LAMA2: variants seen among roughly 807,000 people sequenced by gnomAD.
LAMA2 encodes laminin subunit alpha-2.
LAMA2 carries 269 observed loss-of-function variants against 364.8 expected under a neutral mutation model. The observed-to-expected ratio is 0.74, with a 90% CI of 0.67 to 0.82. LAMA2 has a LOEUF of 0.82. LAMA2 is among the 40% of genes least tolerant of loss of function. The probability of loss-of-function intolerance (pLI) is 0.00; values close to 1 mark genes in which losing one functional copy is unlikely to be tolerated. For synonymous variants in LAMA2, 1,379 were observed against 1,370.6 expected (o/e 1.01, Z -0.14); for missense variants, 3,807 against 3,873.2 (o/e 0.98, Z 0.45).
intron 1 of LAMA2, among the ~76,000 whole-genome samples, chr6:128,939,352 C>A (rs954676517): frequency 6.6e-5 from 10 of 150,620 alleles, no homozygotes; most frequent in Non-Finnish European, 1.5e-4. Context: ...TTTTTTTCAT[C>A]CCAATGCTTG....
chr6:129,162,772 C>T (rs1179644807), intron 8 of LAMA2, among the ~76,000 whole-genome samples: 2 of 151,462 alleles, frequency 1.3e-5, no homozygotes, highest in African/African-American at 2.4e-5. Context: ...AACTTTGGCC[C>T]GTAGACCAAA....
chr6:129,304,185 GTGA>G (rs1773722169), intron 22 of LAMA2, among the ~76,000 whole-genome samples: 9 of 152,272 alleles, frequency 5.9e-5, no homozygotes, highest in East Asian at 3.9e-4. Flanking sequence ...CCTAATAAAT[GTGA>G]TAACTTGCAT....
chr6:129,212,038 G>A (rs908132449), intron 12 of LAMA2, among the ~76,000 whole-genome samples: 1 of 152,258 alleles, frequency 6.6e-6, no homozygotes, highest in South Asian at 2.1e-4. Context: ...TAAAAAATTT[G>A]AAACTTACAA....
intron 37 of LAMA2, among the ~76,000 whole-genome samples, chr6:129,398,378 C>T (rs1779773765): frequency 6.6e-6 from 1 of 152,012 alleles, no homozygotes; most frequent in Non-Finnish European, 1.5e-5. Flanking sequence ...CAAAACTTCC[C>T]CTGAATTAGT....
intron 41 of LAMA2, among the ~76,000 whole-genome samples, chr6:129,429,393 C>T (rs1442203700): frequency 2.6e-5 from 4 of 152,104 alleles, no homozygotes; most frequent in African/African-American, 9.7e-5. Context: ...TGAGGAAATA[C>T]TTATTTTTTA....
At chr6:129,502,857 TATTA>T (rs1430665116) in intron 59 of LAMA2, 86 bp downstream of exon 59, 4 of 918,268 alleles carry the variant, frequency 4.4e-6, no homozygotes, top group South Asian at 1.4e-5. Context: ...CTACTACACT[TATTA>T]ATTAATGAAG....
At chr6:129,365,857 A>G (rs916224155) in intron 32 of LAMA2, among the ~76,000 whole-genome samples, 23 of 152,014 alleles carry the variant, frequency 1.5e-4, no homozygotes, top group Non-Finnish European at 2.2e-4. Context: ...GTTCCTTTCG[A>G]TTGCTCATGT....
At chr6:129,265,468 T>C (rs1787440374) in intron 15 of LAMA2, among the ~76,000 whole-genome samples, 1 of 152,182 alleles carries the variant, frequency 6.6e-6, no homozygotes, top group African/African-American at 2.4e-5. Context: ...TCAACATCCT[T>C]AATTTCTACC....
chr6:129,226,543 T>C lies in LAMA2; in HGVS notation c.1783-23569T>C, dbSNP rs1268345548. 3.3e-5 allele frequency among the ~76,000 whole-genome samples: 5 copies of C among 152,192 alleles called. No individual in the cohort carries two copies. The East Asian group carries it at 9.7e-4, about 29-fold the overall frequency. On this transcript the variant is annotated intron_variant, in intron 12 of 64. Transcript: ENST00000421865. The stretch of plus-strand genomic sequence containing the variant: ...GCAGGCCTGGTGGTGACAAAATCTC[T>C]CAGCATTTGCTTGTCTGTAAAGTAT...
At chr6:129,123,531 C>A (rs1233368939) in intron 4 of LAMA2, among the ~76,000 whole-genome samples, 1 of 151,982 alleles carries the variant, frequency 6.6e-6, no homozygotes, top group Non-Finnish European at 1.5e-5. Flanking sequence ...TATATACATA[C>A]AATAGGATAT....
chr6:129,468,355 A>G (rs1322100038), intron 51 of LAMA2, among the ~76,000 whole-genome samples: 3 of 151,770 alleles, frequency 2.0e-5, no homozygotes, highest in Non-Finnish European at 4.4e-5. Context: ...CTCAAGTTAA[A>G]CAGGTGAAAT....
chr6:129,429,282 A>G lies in LAMA2; in HGVS notation c.5968+1428A>G, dbSNP rs150112768. On this transcript the variant is annotated intron_variant, in intron 41 of 64. Coordinates refer to ENST00000421865, the MANE Select transcript of LAMA2 (RefSeq NM_000426.4). ...ATTTTTAAAACTTTTTTATTGATGC[A>G]TAACAGATGTATAAATTTTTGGCAT... is the stretch of plus-strand genomic sequence containing the variant. Among the ~76,000 whole-genome samples, 410 of 152,318 alleles carry G rather than the reference A, an allele frequency of 2.7e-3. 2 individuals are homozygous for G. Among genetic ancestry groups the G allele is most frequent in the African/African-American group, 8.1e-3 (336 of 41,590 alleles).
At chr6:129,300,690 T>G in intron 21 of LAMA2, 46 bp from the exon 22 acceptor site, 1 of 1,603,406 alleles carries the variant, frequency 6.2e-7, no homozygotes. Context: ...GTGTCAAATT[T>G]TTACTATTTT....
intron 60 of LAMA2, among the ~76,000 whole-genome samples, chr6:129,504,348 G>T (rs112483392): frequency 6.6e-6 from 1 of 152,200 alleles, no homozygotes; most frequent in Non-Finnish European, 1.5e-5. Flanking sequence ...ATGAGGCTGG[G>T]ATTAAGAAAG....
rs760867800 is a variant in LAMA2 at position 129,516,371 on chromosome 6, A to AGAGT, written c.*25_*28dup. The AGAGT allele has an allele frequency of 2.4e-5, 39 of 1,610,774 alleles. No homozygotes were observed. The African/African-American group carries it at 5.1e-4, about 21-fold the overall frequency. On this transcript the variant is annotated 3_prime_UTR_variant, in exon 65 of 65. Transcript: ENST00000421865. The stretch of plus-strand genomic sequence containing the variant: ...AATAAAAATAAGTGTAACCCCAGGA[A>AGAGT]GAGTCTGTCAAAACAAGTATATCAA...
chr6:129,093,788 TG>T (rs1463081084), intron 3 of LAMA2, among the ~76,000 whole-genome samples: 1 of 152,256 alleles, frequency 6.6e-6, no homozygotes, highest in Non-Finnish European at 1.5e-5. Context: ...CACTTGATAT[TG>T]TTTTTAAAGT....
chr6:129,278,810 T>C (rs1788507650), intron 17 of LAMA2, among the ~76,000 whole-genome samples: 1 of 152,172 alleles, frequency 6.6e-6, no homozygotes, highest in South Asian at 2.1e-4. Context: ...GTTGAAATGT[T>C]TAAAATGATA....
rs754478495 is a variant in LAMA2 at position 129,267,261 on chromosome 6, A to T, written c.2322+42A>T. 19 of 1,284,156 alleles carry T rather than the reference A, an allele frequency of 1.5e-5. No individual in the cohort carries two copies. The Middle Eastern group carries it at 5.5e-4, about 37-fold the overall frequency. 79.5% of individuals were successfully genotyped at this position (1,284,156 alleles called of 1,614,324 possible). On this transcript the variant is annotated intron_variant, in intron 16 of 64. Transcript: ENST00000421865. ...TTGGGGATGCTGATTGACAAGGCTG[A>T]AATCACCTCGACAGATGCTACAATT...
At chr6:129,363,181 G>A (rs1420610440) in intron 32 of LAMA2, among the ~76,000 whole-genome samples, 1 of 152,134 alleles carries the variant, frequency 6.6e-6, no homozygotes, top group Admixed American at 6.5e-5. Flanking sequence ...GCATGTGCCT[G>A]TAGTCTCAAC....
Sources: gnomAD v4.1 joint callset for allele counts (sites outside exome capture counted in the v4.1 genomes callset) on GRCh38, gnomAD v4.1.1 for gene constraint, MANE v1.5 for transcripts, NCBI Gene and HGNC (gene_info 2026-07-23, HGNC 2026-07-21) for gene names.